TRPS1: variants seen among roughly 807,000 people sequenced by gnomAD.
The protein encoded by TRPS1 is zinc finger transcription factor Trps1.
In TRPS1, 6 loss-of-function variants were observed where a neutral mutation model predicts 101.2. The ratio of observed to expected loss-of-function variants is 0.06; its 90% CI spans 0.03 to 0.12. The LOEUF is 0.12. Among genes scored for constraint, TRPS1 ranks in the 10% least tolerant of loss-of-function variants. TRPS1 has a pLI of 1.00. For missense variants in TRPS1, 1,363 were observed against 1,567.0 expected (o/e 0.87, Z 2.20); for synonymous variants, 578 against 589.8 (o/e 0.98, Z 0.29).
chr8:115,536,818 T>C (rs1586378358), intron 5 of TRPS1, among the ~76,000 whole-genome samples: 1 of 151,196 alleles, frequency 6.6e-6, no homozygotes, highest in South Asian at 2.1e-4. Flanking sequence ...TCCCTCTTAG[T>C]GGTGAGAAAT....
At chr8:115,606,732 A>C (rs1468451476) in intron 3 of TRPS1, among the ~76,000 whole-genome samples, 3 of 151,856 alleles carry the variant, frequency 2.0e-5, no homozygotes, top group Non-Finnish European at 4.4e-5. Flanking sequence ...TAATACTGAA[A>C]TATAATTCAT....
chr8:115,498,417 A>G (rs4027184), intron 5 of TRPS1, among the ~76,000 whole-genome samples: 1 of 30,564 alleles, frequency 3.3e-5, no homozygotes, highest in Admixed American at 5.4e-4. Flanking sequence ...CTCTCTCTCT[A>G]TATATATATA....
intron 5 of TRPS1, among the ~76,000 whole-genome samples, chr8:115,559,985 C>T (rs928569918): frequency 6.6e-6 from 1 of 152,034 alleles, no homozygotes; most frequent in Admixed American, 6.6e-5. Context: ...TCTTGGGAGG[C>T]ACTAGGTTCC....
intron 5 of TRPS1, among the ~76,000 whole-genome samples, chr8:115,422,635 G>C (rs1168986261): frequency 6.6e-6 from 1 of 152,120 alleles, no homozygotes; most frequent in Non-Finnish European, 1.5e-5. Flanking sequence ...CAAAGTGCTG[G>C]GATTACAGGT....
chr8:115,425,461 A>G (rs1029928841), intron 5 of TRPS1, among the ~76,000 whole-genome samples: 4 of 152,206 alleles, frequency 2.6e-5, no homozygotes, highest in African/African-American at 9.6e-5. Flanking sequence ...GCTAAGAGCA[A>G]TAGAACAGTT....
intron 5 of TRPS1, among the ~76,000 whole-genome samples, chr8:115,574,176 A>G (rs578099758): frequency 6.6e-6 from 1 of 152,300 alleles, no homozygotes; most frequent in African/African-American, 2.4e-5. Flanking sequence ...CAGGTGCTAA[A>G]TTAATATTTA....
chr8:115,605,477 A>G (rs1357139523), intron 3 of TRPS1, among the ~76,000 whole-genome samples: 11 of 152,178 alleles, frequency 7.2e-5, no homozygotes, highest in Admixed American at 7.2e-4. Context: ...TTCAGTTCCT[A>G]CAGCAATGAG....
intron 1 of TRPS1, among the ~76,000 whole-genome samples, chr8:115,664,670 C>A (rs1007867306): frequency 6.6e-6 from 1 of 152,034 alleles, no homozygotes; most frequent in Non-Finnish European, 1.5e-5. Context: ...AAAGCTTGAC[C>A]TAGCAAGGAT....
chr8:115,515,368 T>G, intron 5 of TRPS1: 1 of 643,280 alleles, frequency 1.6e-6, no homozygotes, highest in Non-Finnish European at 2.8e-6. Context: ...AACCTGAGAT[T>G]ACCCAAACCT....
intron 5 of TRPS1, among the ~76,000 whole-genome samples, chr8:115,524,383 T>C (rs1002190466): frequency 6.7e-6 from 1 of 149,730 alleles, no homozygotes; most frequent in Non-Finnish European, 1.5e-5. Flanking sequence ...TGCAATGGTG[T>C]GATCTCAGCT....
rs146995203 is a variant in TRPS1, at chr8:115,608,597, G to A, written c.967-3595C>T. ...GGAACCTTAGTCTCCTGGCCTCTAT[G>A]GATACAATACTGTACAACTTGTCAT... On this transcript the variant is annotated intron_variant, in intron 3 of 6. Transcript: ENST00000395715. Among the ~76,000 whole-genome samples the A allele has an allele frequency of 6.4e-3, 948 of 147,302 alleles. 9 individuals are homozygous for A. The highest frequency in any genetic ancestry group is 0.02 in the Middle Eastern group (6 of 294).
chr8:115,552,725 T>C (rs1816732568), intron 5 of TRPS1, among the ~76,000 whole-genome samples: 1 of 152,168 alleles, frequency 6.6e-6, no homozygotes, highest in Non-Finnish European at 1.5e-5. Context: ...AATAACACTC[T>C]TCTTATAATT....
At chr8:115,598,599 G>T (rs1817840584) in intron 4 of TRPS1, among the ~76,000 whole-genome samples, 1 of 152,134 alleles carries the variant, frequency 6.6e-6, no homozygotes, top group African/African-American at 2.4e-5. Context: ...ACTGTGCCCT[G>T]CCTAGTCTGT....
At position 115,619,866 on chromosome 8, in the gene TRPS1, G is replaced by T. The variant is rs754546754; in HGVS notation, c.232C>A (p.Gln78Lys). ...TTCTTACTGCTAGAAGATGGATCTTGAACATGCAAGCTATGTTCCTCCTTA... is the reference window on the plus strand; with the variant it reads ...TTCTTACTGCTAGAAGATGGATCTTTAACATGCAAGCTATGTTCCTCCTTA... ...NHKEEHSLHV[Q>K]DPSSSSKKDL... Residue 78 changes from glutamine to lysine, a missense_variant, in exon 3 of 7, where the codon CAA becomes AAA. Gln to Lys is a moderately conservative substitution (Grantham distance 53). Coordinates refer to ENST00000395715, the MANE Select transcript of TRPS1 (RefSeq NM_014112.5). The T allele has an allele frequency of 1.1e-5, 17 of 1,614,080 alleles. No individual in the cohort carries two copies. In the South Asian group the frequency reaches 1.8e-4, roughly 17 times the overall value.
At chr8:115,526,239 C>A (rs1324605568) in intron 5 of TRPS1, among the ~76,000 whole-genome samples, 2 of 151,792 alleles carry the variant, frequency 1.3e-5, no homozygotes, top group Non-Finnish European at 2.9e-5. Flanking sequence ...AACCCGGGAG[C>A]TGGAGGTTGC....
intron 4 of TRPS1, among the ~76,000 whole-genome samples, chr8:115,596,665 T>C (rs1817792260): frequency 6.6e-6 from 1 of 151,724 alleles, no homozygotes; most frequent in African/African-American, 2.4e-5. Flanking sequence ...CATATACATA[T>C]ATACTTATAT....
At chr8:115,422,999 T>G (rs1813104942) in intron 5 of TRPS1, among the ~76,000 whole-genome samples, 1 of 152,144 alleles carries the variant, frequency 6.6e-6, no homozygotes, top group Admixed American at 6.5e-5. Flanking sequence ...CCTCTCAGAC[T>G]GAGGGAAGAC....
chr8:115,652,516 T>C (rs913908410), intron 1 of TRPS1, among the ~76,000 whole-genome samples: 1 of 152,256 alleles, frequency 6.6e-6, no homozygotes, highest in African/African-American at 2.4e-5. Context: ...GAAATCCATC[T>C]GGAAATAAAT....
chr8:115,618,124 TA>T (rs1818311189), intron 3 of TRPS1, among the ~76,000 whole-genome samples: 2 of 152,182 alleles, frequency 1.3e-5, no homozygotes, highest in South Asian at 4.1e-4. Context: ...AAATGACTGA[TA>T]TTTTAAGGGA....
Sources: allele counts gnomAD v4.1 joint callset (sites outside exome capture counted in the v4.1 genomes callset), GRCh38; gene constraint gnomAD v4.1.1; transcripts MANE v1.5; gene names NCBI Gene and HGNC (gene_info 2026-07-23, HGNC 2026-07-21).